Variants in GPATCH1 observed in about 807,000 individuals in gnomAD.
The protein encoded by GPATCH1 is G patch domain-containing protein 1.
GPATCH1 carries 73 observed loss-of-function variants against 114.9 expected under a neutral mutation model. The observed-to-expected ratio is 0.64, with a 90% CI of 0.53 to 0.77. The LOEUF (loss-of-function observed/expected upper bound fraction) is 0.77, where lower values mean the gene tolerates loss of function less well. GPATCH1 is among the 30% of genes least tolerant of loss of function. GPATCH1 has a pLI of 0.00. For synonymous variants in GPATCH1, 391 were observed against 428.4 expected, an observed-to-expected ratio of 0.91 and a Z score of 1.08; for missense variants, 1,058 against 1,144.3, an observed-to-expected ratio of 0.92 and a Z score of 1.09.
At chr19:33,101,468 G>A (rs765225957) in intron 8 of GPATCH1, 27 bp from the exon 9 acceptor site, 2 of 1,272,776 alleles carry the variant, frequency 1.6e-6, no homozygotes, top group South Asian at 1.2e-5. Flanking sequence ...TCTACTTCTG[G>A]AATTAATCTA....
In GPATCH1 at chr19:33,101,592, T is replaced by G; in HGVS notation, c.1080+18T>G. On this transcript the variant is annotated intron_variant, in intron 9 of 19. Coordinates refer to ENST00000170564, the MANE Select transcript of GPATCH1 (RefSeq NM_018025.3). ...CTAAGAAAGTAAGAAAAACTTTTTT[T>G]CTTTCTTTTTTTACTGGTTTAGTTC... is the stretch of plus-strand genomic sequence containing the variant. 7.6e-7 allele frequency: 1 copy of G among 1,322,836 alleles called. No individual in the cohort carries two copies. The highest frequency in any genetic ancestry group is 1.1e-6 in the Non-Finnish European group (1 of 923,130). 81.9% of individuals were successfully genotyped at this position (1,322,836 alleles called of 1,614,324 possible).
intron 8 of GPATCH1, among the ~76,000 whole-genome samples, chr19:33,100,678 T>G (rs1278900831): frequency 1.3e-5 from 2 of 150,288 alleles, no homozygotes; most frequent in Non-Finnish European, 2.9e-5. Context: ...TGCTGAATGA[T>G]GAGTGGCTAA....
chr19:33,123,070 T>C (rs1973002976), intron 17 of GPATCH1, among the ~76,000 whole-genome samples: 1 of 119,206 alleles, frequency 8.4e-6, no homozygotes, highest in African/African-American at 3.0e-5. Context: ...AGATGCTGTC[T>C]CAAAAATAAA....
At position 33,097,879 on chromosome 19, in the gene GPATCH1, C is replaced by A; in HGVS notation, c.977C>A (p.Pro326His). 1 of 1,613,958 alleles carries A rather than the reference C, an allele frequency of 6.2e-7. No homozygotes were observed. The highest frequency in any genetic ancestry group is 8.5e-7 in the Non-Finnish European group (1 of 1,179,956). ...PGDGLYGWTA[P>H]RQYKNQKESE... ...GACGGACTCTATGGCTGGACAGCAC[C>A]CAGGCAGTATAAAAACCAGAAAGGT... Residue 326 changes from proline to histidine, a missense_variant, in exon 8 of 20, where the codon CCC becomes CAC. Transcript: ENST00000170564.
At chr19:33,094,149 T>C (rs1482555372) in intron 4 of GPATCH1, 23 bp from the exon 5 acceptor site, 3 of 1,264,148 alleles carry the variant, frequency 2.4e-6, no homozygotes, top group Non-Finnish European at 3.5e-6. Flanking sequence ...GAAAAGTTCA[T>C]TTTCAATGCC....
intron 1 of GPATCH1, among the ~76,000 whole-genome samples, chr19:33,083,835 G>A (rs1972506544): frequency 6.6e-6 from 1 of 151,688 alleles, no homozygotes; most frequent in South Asian, 2.1e-4. Context: ...TTTTTTGAGA[G>A]TTTCGCTCTT....
intron 15 of GPATCH1, among the ~76,000 whole-genome samples, chr19:33,117,255 C>A (rs1374962410): frequency 6.6e-6 from 1 of 152,132 alleles, no homozygotes; most frequent in Non-Finnish European, 1.5e-5. Context: ...TTTCTCCTAG[C>A]TGCTTTCAAG....
intron 2 of GPATCH1, among the ~76,000 whole-genome samples, chr19:33,089,510 A>G (rs1972571037): frequency 6.6e-6 from 1 of 152,222 alleles, no homozygotes; most frequent in African/African-American, 2.4e-5. Context: ...CTCAGTTATG[A>G]ATGGAAGATG....
chr19:33,097,987 C>T (rs1437189627), intron 8 of GPATCH1, 85 bp downstream of exon 8: 76 of 1,241,774 alleles, frequency 6.1e-5, no homozygotes, highest in Middle Eastern at 5.3e-4. Flanking sequence ...ACAGGAGCAC[C>T]AGCCTCTGTT....
At chr19:33,095,706 C>A (rs538565952) in intron 5 of GPATCH1, 56 bp from the exon 6 acceptor site, 3 of 1,236,372 alleles carry the variant, frequency 2.4e-6, no homozygotes, top group Admixed American at 1.7e-5. Flanking sequence ...CCGGCCTGGT[C>A]GGGGTTTTCT....
At position 33,109,857 on chromosome 19, in the gene GPATCH1, C is replaced by CT. The variant is rs1568345976; in HGVS notation, c.1427dup (p.Ser477LeufsTer71). The CT allele has an allele frequency of 1.2e-6, 2 of 1,614,150 alleles. No homozygotes were observed. Among genetic ancestry groups the CT allele is most frequent in the East Asian group, 4.5e-5 (2 of 44,886 alleles). ...GAACGCTCAGAGCAGCAGAGCCCAG[C>CT]TCTCCCCTGCAGCGGCTGCTGGGCA... On this transcript the variant is annotated frameshift_variant, in exon 11 of 20. Coordinates refer to ENST00000170564, the MANE Select transcript of GPATCH1 (RefSeq NM_018025.3). LOFTEE classifies it high-confidence loss of function.
intron 14 of GPATCH1, 53 bp from the exon 15 acceptor site, chr19:33,114,200 A>G (rs1972890572): frequency 1.4e-6 from 2 of 1,456,372 alleles, no homozygotes; most frequent in African/African-American, 2.8e-5. Context: ...GTGGTGAAGA[A>G]CTGGCCTTTT....
intron 8 of GPATCH1, 129 bp downstream of exon 8, chr19:33,098,031 G>C: frequency 1.1e-6 from 1 of 910,358 alleles, no homozygotes; most frequent in South Asian, 1.6e-5. Flanking sequence ...ACAAAACAAA[G>C]AAGCGAGGCC....
chr19:33,120,003 TTTTATATATTTTATATA>T (rs1258477231), intron 17 of GPATCH1, among the ~76,000 whole-genome samples: 11 of 141,132 alleles, frequency 7.8e-5, no homozygotes, highest in African/African-American at 1.3e-4. Flanking sequence ...ATATATTATA[TTTTATATATTTTATATA>T]TTTATATATT....
At position 33,130,156 on chromosome 19, in the gene GPATCH1, A is replaced by C; in HGVS notation, c.2792A>C (p.Gln931Pro). 6.2e-7 allele frequency: 1 copy of C among 1,607,618 alleles called. No individual in the cohort carries two copies. The highest frequency in any genetic ancestry group is 2.2e-5 in the East Asian group (1 of 44,852). ...CTGAAAAGTCTTCCACTAAGAAGGC[A>C]GTAATTGAATGCTGCCCTGGCTCGT... Reference protein sequence around the residue: ...RRLKSLPLRRQ With the variant: ...RRLKSLPLRRP Residue 931 changes from glutamine (Q) to proline (P), a missense_variant, in exon 20 of 20, where the codon CAG (glutamine) becomes CCG (proline). Physicochemically the swap from Gln to Pro is moderately conservative, Grantham distance 76 (BLOSUM62 -1). Around this residue, in one of 3 missense-constraint regions of GPATCH1, gnomAD observed 893 missense variants for 977.4 expected, o/e 0.91. Coordinates refer to ENST00000170564, the MANE Select transcript of GPATCH1 (RefSeq NM_018025.3).
intron 2 of GPATCH1, among the ~76,000 whole-genome samples, chr19:33,089,366 T>TA (rs1275708372): frequency 6.6e-6 from 1 of 152,210 alleles, no homozygotes; most frequent in Non-Finnish European, 1.5e-5. Flanking sequence ...CAGTGCTCTC[T>TA]ACCTGGGGAA....
chr19:33,109,910 T>C lies in GPATCH1; in HGVS notation c.1479T>C (p.Gly493=). 2 of 1,614,116 alleles carry C rather than the reference T, an allele frequency of 1.2e-6. No homozygotes were observed. Among genetic ancestry groups the C allele is most frequent in the Non-Finnish European group, 1.7e-6 (2 of 1,180,002 alleles). Residue 493 remains glycine, a synonymous_variant, in exon 11 of 20, where the codon GGT becomes GGC. Transcript: ENST00000170564. ...GCTCTTGGAACATGGCATTAGGTGGTGGGACGGCCACCTTAAAAGCCAGCA... is the reference window on the plus strand; with the variant it reads ...GCTCTTGGAACATGGCATTAGGTGGCGGGACGGCCACCTTAAAAGCCAGCA... ...GHCSWNMALG[G]GTATLKASNF... is the part of the protein sequence containing the mutation.
At chr19:33,112,733 G>GT in intron 13 of GPATCH1, 120 bp downstream of exon 13, 7 of 662,992 alleles carry the variant, frequency 1.1e-5, no homozygotes, top group African/African-American at 1.8e-5. Flanking sequence ...GCATATCACT[G>GT]GATATACAAA....
chr19:33,110,955 AC>A, intron 11 of GPATCH1, among the ~76,000 whole-genome samples: 1 of 149,520 alleles, frequency 6.7e-6, no homozygotes, highest in East Asian at 2.0e-4. Flanking sequence ...TCCTGCCTCT[AC>A]CAAAAAAAAA....
Sources: allele counts gnomAD v4.1 joint callset (sites outside exome capture counted in the v4.1 genomes callset), GRCh38; gene constraint gnomAD v4.1.1; regional missense constraint gnomAD v4.1.1; transcripts MANE v1.5; gene names NCBI Gene and HGNC (gene_info 2026-07-23, HGNC 2026-07-21).